PCDH9: variants seen among roughly 807,000 people sequenced by gnomAD.
PCDH9 encodes protocadherin-9.
A neutral mutation model predicts 70.6 loss-of-function variants in PCDH9; 24 were observed. The ratio of observed to expected loss-of-function variants is 0.34; its 90% CI spans 0.25 to 0.48. The LOEUF (loss-of-function observed/expected upper bound fraction) is 0.48. Ranked by LOEUF, PCDH9 falls within the 20% of genes least tolerant of loss-of-function variation. The probability of loss-of-function intolerance (pLI) is 0.99; values close to 1 mark genes in which losing one functional copy is unlikely to be tolerated. For missense variants in PCDH9, 1,281 were observed against 1,503.6 expected (o/e 0.85, Z 2.45); for synonymous variants, 562 against 558.5 (o/e 1.01, Z -0.09).
rs996032491 is a variant in PCDH9 at position 66,341,898 on chromosome 13, C to T, written c.3341-36870G>A. ...CACACTTGAAGTGTGTACTTACGTG[C>T]ACTTTGCTAGCAGCTATATGGGCTG... On this transcript the variant is annotated intron_variant, in intron 4 of 4. Coordinates refer to ENST00000377865, the MANE Select transcript of PCDH9 (RefSeq NM_203487.3). 3.3e-5 allele frequency among the ~76,000 whole-genome samples: 5 copies of T among 152,250 alleles called. No individual in the cohort carries two copies. In the South Asian group the frequency reaches 1.0e-3, roughly 32 times the overall value.
At chr13:66,622,067 G>A (rs574524038) in intron 4 of PCDH9, among the ~76,000 whole-genome samples, 1 of 152,366 alleles carries the variant, frequency 6.6e-6, no homozygotes, top group Admixed American at 6.5e-5. Flanking sequence ...TGTTGGCCCA[G>A]GGCAATGAGG....
intron 4 of PCDH9, among the ~76,000 whole-genome samples, chr13:66,417,835 C>G (rs1471270260): frequency 6.6e-6 from 1 of 152,120 alleles, no homozygotes; most frequent in East Asian, 1.9e-4. Flanking sequence ...TATCCTTCGC[C>G]TACTTTTTGA....
chr13:66,391,452 C>A (rs944542823), intron 4 of PCDH9, among the ~76,000 whole-genome samples: 18 of 152,076 alleles, frequency 1.2e-4, no homozygotes, highest in African/African-American at 4.1e-4. Flanking sequence ...TTTTAAGGCA[C>A]CCAAGTGTCA....
intron 2 of PCDH9, among the ~76,000 whole-genome samples, chr13:67,006,105 T>A (rs910316412): frequency 6.6e-6 from 1 of 152,138 alleles, no homozygotes; most frequent in Non-Finnish European, 1.5e-5. Flanking sequence ...CAGGCACCTG[T>A]AGTCCCAGCT....
intron 3 of PCDH9, among the ~76,000 whole-genome samples, chr13:66,753,083 T>C (rs552423305): frequency 6.6e-6 from 1 of 152,204 alleles, no homozygotes; most frequent in Non-Finnish European, 1.5e-5. Context: ...ATTTGTAGGT[T>C]TAGTTAGGTA....
chr13:66,547,035 C>T (rs1593655609), intron 4 of PCDH9, among the ~76,000 whole-genome samples: 1 of 152,132 alleles, frequency 6.6e-6, no homozygotes, highest in East Asian at 1.9e-4. Context: ...CCTAAGGACA[C>T]ATTTTTTAGA....
At chr13:66,565,096 AT>A (rs1265803599) in intron 4 of PCDH9, among the ~76,000 whole-genome samples, 2 of 152,140 alleles carry the variant, frequency 1.3e-5, no homozygotes, top group Non-Finnish European at 2.9e-5. Flanking sequence ...TTGCTAAATC[AT>A]TTTCGTGTCT....
At chr13:66,852,330 C>T (rs1375603101) in intron 3 of PCDH9, among the ~76,000 whole-genome samples, 3 of 152,096 alleles carry the variant, frequency 2.0e-5, no homozygotes, top group Admixed American at 6.6e-5. Flanking sequence ...TAGACAAAGA[C>T]TCATTAATCA....
intron 3 of PCDH9, among the ~76,000 whole-genome samples, chr13:66,730,844 G>GT (rs1332473300): frequency 3.2e-5 from 3 of 94,360 alleles, no homozygotes; most frequent in Non-Finnish European, 4.4e-5. Flanking sequence ...ATGCCTGGCT[G>GT]TTTTTTTGTT....
intron 2 of PCDH9, among the ~76,000 whole-genome samples, chr13:67,063,321 CT>C (rs2138132818): frequency 6.6e-6 from 1 of 152,140 alleles, no homozygotes; most frequent in East Asian, 1.9e-4. Context: ...AAGGGACCAT[CT>C]ACCACAAAAA....
At chr13:66,458,891 T>C (rs148317376) in intron 4 of PCDH9, among the ~76,000 whole-genome samples, 40 of 152,110 alleles carry the variant, frequency 2.6e-4, no homozygotes, top group African/African-American at 9.4e-4. Context: ...ACAAAGATGA[T>C]ACTCTGCAGG....
chr13:66,459,371 A>T (rs547966784), intron 4 of PCDH9, among the ~76,000 whole-genome samples: 1 of 152,056 alleles, frequency 6.6e-6, no homozygotes, highest in African/African-American at 2.4e-5. Flanking sequence ...ATTGGGTAAG[A>T]TCTCCGGATG....
At chr13:66,416,561 G>T (rs1360779297) in intron 4 of PCDH9, among the ~76,000 whole-genome samples, 3 of 152,188 alleles carry the variant, frequency 2.0e-5, no homozygotes, top group African/African-American at 4.8e-5. Flanking sequence ...TATAATGCAT[G>T]TTGCTCTGAA....
intron 2 of PCDH9, among the ~76,000 whole-genome samples, chr13:67,159,422 CA>C (rs1358172991): frequency 6.6e-6 from 1 of 152,158 alleles, no homozygotes; most frequent in Non-Finnish European, 1.5e-5. Context: ...TATTGTGTCA[CA>C]TCTGGCATAC....
chr13:66,364,243 A>G (rs1034837520), intron 4 of PCDH9, among the ~76,000 whole-genome samples: 4 of 152,202 alleles, frequency 2.6e-5, no homozygotes, highest in African/African-American at 4.8e-5. Flanking sequence ...ATTTAAATGC[A>G]TATTCATACA....
At chr13:66,353,553 C>A (rs73505864) in intron 4 of PCDH9, among the ~76,000 whole-genome samples, 1 of 152,016 alleles carries the variant, frequency 6.6e-6, no homozygotes. Context: ...GCTCAAGAGG[C>A]AAATTTTTAG....
chr13:66,778,978 T>G (rs1420795169), intron 3 of PCDH9, among the ~76,000 whole-genome samples: 1 of 152,224 alleles, frequency 6.6e-6, no homozygotes, highest in Non-Finnish European at 1.5e-5. Context: ...CATTTTCTCA[T>G]ATTCATTCAG....
chr13:66,348,411 T>C (rs929129221), intron 4 of PCDH9, among the ~76,000 whole-genome samples: 2 of 152,106 alleles, frequency 1.3e-5, no homozygotes, highest in African/African-American at 4.8e-5. Context: ...CTTTTTTTTT[T>C]TTTTGAGACA....
At chr13:66,755,479 C>T (rs1439028672) in intron 3 of PCDH9, among the ~76,000 whole-genome samples, 1 of 152,168 alleles carries the variant, frequency 6.6e-6, no homozygotes. Flanking sequence ...AATTCATTAT[C>T]TTTCCACTGT....
Sources: gnomAD v4.1 joint callset for allele counts (sites outside exome capture counted in the v4.1 genomes callset) on GRCh38, gnomAD v4.1.1 for gene constraint, MANE v1.5 for transcripts, NCBI Gene and HGNC (gene_info 2026-07-23, HGNC 2026-07-21) for gene names.